CDC42BPA: variants seen among roughly 807,000 people sequenced by gnomAD.
CDC42BPA encodes the protein serine/threonine-protein kinase MRCK alpha.
Under a neutral mutation model 223.5 loss-of-function variants are expected in CDC42BPA, and 80 were observed. The observed-to-expected ratio is 0.36, with a 90% CI of 0.30 to 0.43. The LOEUF is 0.43. Among genes scored for constraint, CDC42BPA ranks in the 20% least tolerant of loss-of-function variants. CDC42BPA has a pLI of 1.00. For missense variants in CDC42BPA, 1,743 were observed against 2,099.9 expected, an observed-to-expected ratio of 0.83 and a Z score of 3.32; for synonymous variants, 694 against 718.6, an observed-to-expected ratio of 0.97 and a Z score of 0.55.
At position 227,276,038 on chromosome 1, in the gene CDC42BPA, G is replaced by A. The variant is rs897533532; in HGVS notation, c.179-21883C>T. Among the ~76,000 whole-genome samples the A allele has an allele frequency of 3.2e-4, 49 of 152,326 alleles. 1 individual carries two copies. Among genetic ancestry groups the A allele is most frequent in the Admixed American group, 2.5e-3 (39 of 15,310 alleles). On this transcript the variant is annotated intron_variant, in intron 1 of 36. Coordinates refer to ENST00000366766, the MANE Select transcript of CDC42BPA (RefSeq NM_001394014.1). The stretch of plus-strand genomic sequence containing the variant: ...CCAGCCGCCACCCCCTCTGGGAAGT[G>A]AGGAGCGTCTCTGCCTGGCTGCCCA...
At chr1:226,995,578 T>C (rs1413529535) in intron 35 of CDC42BPA, among the ~76,000 whole-genome samples, 1 of 152,094 alleles carries the variant, frequency 6.6e-6, no homozygotes, top group Non-Finnish European at 1.5e-5. Flanking sequence ...AAAGAAAACA[T>C]AAAAGTACTT....
At chr1:227,018,249 G>C (rs1438205175) in intron 32 of CDC42BPA, among the ~76,000 whole-genome samples, 1 of 152,054 alleles carries the variant, frequency 6.6e-6, no homozygotes, top group African/African-American at 2.4e-5. Context: ...GAGAATGTGG[G>C]ACACAAATTT....
intron 2 of CDC42BPA, among the ~76,000 whole-genome samples, chr1:227,246,479 G>T (rs1680982751): frequency 1.3e-5 from 2 of 152,148 alleles, no homozygotes. Flanking sequence ...GGCCACAGGG[G>T]TGCTTGTATC....
In CDC42BPA at chr1:227,317,772, G is replaced by A; in HGVS notation, c.-590C>T. The A allele has an allele frequency of 5.0e-6, 2 of 398,588 alleles. No homozygotes were observed. Among genetic ancestry groups the A allele is most frequent in the Non-Finnish European group, 8.8e-6 (2 of 226,098 alleles). 24.7% of individuals were successfully genotyped at this position (398,588 alleles called of 1,614,324 possible). A position where few individuals can be genotyped will look rare whatever the true frequency, so the allele number is the denominator to read the frequency against. ...GGCAATTTCTCCAGCGGGAAAGGGA[G>A]GGGGCGAGGTCCCTGAAGCAGCCCC... On this transcript the variant is annotated 5_prime_UTR_variant, in exon 1 of 37. Transcript: ENST00000366766.
chr1:227,254,875 C>T (rs902643127), intron 1 of CDC42BPA, among the ~76,000 whole-genome samples: 4 of 152,190 alleles, frequency 2.6e-5, no homozygotes, highest in Middle Eastern at 3.4e-3. Flanking sequence ...TGCTGCTTTG[C>T]CTGGGTTTGA....
Position 226,994,988 on chromosome 1 carries a change from A to G in CDC42BPA, c.4976-8T>C, listed in dbSNP as rs1661329362. 6.2e-7 allele frequency: 1 copy of G among 1,608,950 alleles called. No individual in the cohort carries two copies. The highest frequency in any genetic ancestry group is 8.5e-7 in the Non-Finnish European group (1 of 1,177,232). On this transcript the variant is annotated splice_polypyrimidine_tract_variant and splice_region_variant and intron_variant, in intron 35 of 36. Coordinates refer to ENST00000366766, the MANE Select transcript of CDC42BPA (RefSeq NM_001394014.1). The surrounding 1 kb of genome is among the most constrained non-coding windows in gnomAD (Gnocchi z 4.0). ...CATTCTGTGCGGATGACCCTACAGT[A>G]CATCATGCAGGCAAAATTTTACATA...
At chr1:227,004,070 T>TTG (rs1663498108) in intron 35 of CDC42BPA, 1 of 135,670 alleles carries the variant, frequency 7.4e-6, no homozygotes, top group East Asian at 2.1e-4. Flanking sequence ...TTTTTTTTTT[T>TTG]GCTACCTCGG....
chr1:226,999,179 CTT>C (rs34719872), intron 35 of CDC42BPA, among the ~76,000 whole-genome samples: 11 of 143,956 alleles, frequency 7.6e-5, no homozygotes, highest in Admixed American at 1.4e-4. Flanking sequence ...AATAGGAACA[CTT>C]TTTTTTTTTT....
At chr1:227,250,432 G>A (rs906985553) in intron 2 of CDC42BPA, among the ~76,000 whole-genome samples, 1 of 152,018 alleles carries the variant, frequency 6.6e-6, no homozygotes, top group Non-Finnish European at 1.5e-5. Context: ...TGGTTGCAGT[G>A]AGCCAAGATT....
intron 18 of CDC42BPA, 25 bp from the exon 19 acceptor site, chr1:227,074,037 A>T: frequency 1.2e-6 from 2 of 1,600,228 alleles, no homozygotes; most frequent in Non-Finnish European, 1.7e-6. Flanking sequence ...CTGTGTTTTT[A>T]GTTCCATCCT....
chr1:227,268,643 AGT>A (rs139047760), intron 1 of CDC42BPA, among the ~76,000 whole-genome samples: 8 of 143,980 alleles, frequency 5.6e-5, no homozygotes, highest in Middle Eastern at 3.7e-3. Flanking sequence ...GTATATATAT[AGT>A]GTGTGTGTAT....
rs571712389 is a variant in CDC42BPA at position 227,316,199 on chromosome 1, T to C, written c.178+806A>G. Among the ~76,000 whole-genome samples the C allele has an allele frequency of 1.8e-4, 27 of 152,280 alleles. No homozygotes were observed. In the East Asian group the frequency reaches 3.9e-3, roughly 22 times the overall value. On this transcript the variant is annotated intron_variant, in intron 1 of 36. Transcript: ENST00000366766. Reference sequence around the variant, plus strand: ...AACAGTGAACTTCTGGACCTTAGAATGTGCCCTGTATGTAACAGCAGACGC... The same window carrying C: ...AACAGTGAACTTCTGGACCTTAGAACGTGCCCTGTATGTAACAGCAGACGC...
chr1:227,218,972 T>C (rs1189021924), intron 2 of CDC42BPA, among the ~76,000 whole-genome samples: 1 of 152,158 alleles, frequency 6.6e-6, no homozygotes, highest in South Asian at 2.1e-4. Context: ...TACTTTAAAA[T>C]TGGGACAGCA....
At chr1:227,227,208 A>G (rs1677010796) in intron 2 of CDC42BPA, among the ~76,000 whole-genome samples, 1 of 152,154 alleles carries the variant, frequency 6.6e-6, no homozygotes, top group South Asian at 2.1e-4. Flanking sequence ...ATTTTTCAAG[A>G]AAAAGAAAGA....
At chr1:227,054,938 T>C (rs1167238012) in intron 21 of CDC42BPA, among the ~76,000 whole-genome samples, 1 of 151,980 alleles carries the variant, frequency 6.6e-6, no homozygotes, top group African/African-American at 2.4e-5. Flanking sequence ...TAATTTTTCC[T>C]ATAAAAAATA....
At chr1:227,210,481 G>A (rs1428648457) in intron 3 of CDC42BPA, among the ~76,000 whole-genome samples, 1 of 152,136 alleles carries the variant, frequency 6.6e-6, no homozygotes, top group Non-Finnish European at 1.5e-5. Flanking sequence ...ACAGGGAGAA[G>A]TGAGTCTATT....
At chr1:227,169,641 T>G (rs1205248373) in intron 5 of CDC42BPA, among the ~76,000 whole-genome samples, 3 of 152,166 alleles carry the variant, frequency 2.0e-5, no homozygotes, top group Non-Finnish European at 4.4e-5. Context: ...TCTTGTTATC[T>G]TCTCCCATGC....
At chr1:227,021,812 G>A (rs2148560737) in intron 32 of CDC42BPA, among the ~76,000 whole-genome samples, 1 of 152,196 alleles carries the variant, frequency 6.6e-6, no homozygotes, top group Admixed American at 6.5e-5. Flanking sequence ...GAGGTCAGGA[G>A]ATGGAGATCA....
intron 35 of CDC42BPA, among the ~76,000 whole-genome samples, chr1:227,003,756 C>G (rs1663397827): frequency 6.6e-6 from 1 of 152,058 alleles, no homozygotes; most frequent in East Asian, 1.9e-4. Context: ...TCTCTATGGT[C>G]CCTTAGCTCA....
Sources: allele counts gnomAD v4.1 joint callset (sites outside exome capture counted in the v4.1 genomes callset), GRCh38; gene constraint gnomAD v4.1.1; non-coding constraint Gnocchi (gnomAD v3.1); transcripts MANE v1.5; gene names NCBI Gene and HGNC (gene_info 2026-07-23, HGNC 2026-07-21).